Variants in CFAP69 observed in about 807,000 individuals in gnomAD.
The protein encoded by CFAP69 is cilia and flagella associated protein 69, also known as cilia- and flagella-associated protein 69.
A neutral mutation model predicts 123.0 loss-of-function variants in CFAP69; 92 were observed. The observed-to-expected ratio is 0.75, with a 90% CI of 0.63 to 0.89. The LOEUF (loss-of-function observed/expected upper bound fraction) is 0.89, where lower values mean the gene tolerates loss of function less well. Ranked by LOEUF, CFAP69 falls within the 40% of genes least tolerant of loss-of-function variation. The probability of loss-of-function intolerance (pLI) is 0.00; values close to 1 mark genes in which losing one functional copy is unlikely to be tolerated. For missense variants in CFAP69, 1,067 were observed against 1,096.9 expected, an observed-to-expected ratio of 0.97 and a Z score of 0.39; for synonymous variants, 380 against 364.3, an observed-to-expected ratio of 1.04 and a Z score of -0.49.
the CFAP69 span, chr7:90,322,204 C>T: frequency 1.3e-5 from 2 of 152,294 alleles, no homozygotes; most frequent in African/African-American, 4.8e-5. Flanking sequence ...CTGGCAATGC[C>T]TTTTTATGCC....
In CFAP69 at chr7:90,277,102, G is replaced by A; in HGVS notation, c.1014G>A (p.Leu338=). 1 of 1,578,678 alleles carries A rather than the reference G, an allele frequency of 6.3e-7. No homozygotes were observed. Among genetic ancestry groups the A allele is most frequent in the Non-Finnish European group, 8.6e-7 (1 of 1,161,246 alleles). The change falls in exon 10 of 23, where the codon CTG becomes CTA. Residue 338 remains leucine, a synonymous_variant. Coordinates refer to ENST00000389297, the MANE Select transcript of CFAP69 (RefSeq NM_001039706.3). ...IECGFTKDLI[L]FATFNEVKSQ... ...GTGGCTTTACCAAGGATTTGATACT[G>A]TTTGCCACCTTTAATGAAGGTAAAA...
intron 14 of CFAP69, among the ~76,000 whole-genome samples, chr7:90,288,026 C>G (rs1790558417): frequency 6.6e-6 from 1 of 151,870 alleles, no homozygotes; most frequent in African/African-American, 2.4e-5. Context: ...GATGCCCCCT[C>G]TTAAAATGAT....
At chr7:90,319,831 A>G in the CFAP69 span, 2 of 397,744 alleles carry the variant, frequency 5.0e-6, no homozygotes, top group South Asian at 2.8e-4. Context: ...AACTGTAAGT[A>G]CACATATATT....
chr7:90,289,891 A>G (rs1396008050), intron 15 of CFAP69, among the ~76,000 whole-genome samples: 2 of 152,210 alleles, frequency 1.3e-5, no homozygotes, highest in African/African-American at 2.4e-5. Context: ...ACTGCTTTGC[A>G]GTACCTTCTT....
intron 2 of CFAP69, among the ~76,000 whole-genome samples, chr7:90,257,494 T>C (rs17863967): frequency 0.046 from 6,979 of 152,276 alleles, 216 homozygotes; most frequent in South Asian, 0.11. Flanking sequence ...TACATTGTTG[T>C]TGACTTTAGT....
chr7:90,298,847 T>C (rs1014496460), intron 16 of CFAP69, among the ~76,000 whole-genome samples: 2 of 152,176 alleles, frequency 1.3e-5, no homozygotes, highest in Admixed American at 1.3e-4. Flanking sequence ...ACCAAATTAA[T>C]TGCAAATTAC....
the CFAP69 span, chr7:90,322,146 G>C: frequency 6.6e-6 from 1 of 152,252 alleles, no homozygotes; most frequent in Admixed American, 6.5e-5. Flanking sequence ...GCTCCACCCT[G>C]TTCTCATCCT....
intron 15 of CFAP69, among the ~76,000 whole-genome samples, chr7:90,291,564 T>C (rs1791198594): frequency 6.6e-6 from 1 of 152,180 alleles, no homozygotes; most frequent in Non-Finnish European, 1.5e-5. Context: ...CTATTCAAGA[T>C]GGAGTTGCTC....
chr7:90,286,289 AAAAATAT>A lies in CFAP69; in HGVS notation c.1549_1555del (p.Asn517Ter). The A allele has an allele frequency of 6.3e-7, 1 of 1,596,542 alleles. No individual in the cohort carries two copies. Among genetic ancestry groups the A allele is most frequent in the Non-Finnish European group, 8.6e-7 (1 of 1,169,134 alleles). On this transcript the variant is annotated frameshift_variant, in exon 14 of 23. Transcript: ENST00000389297. ...AAATGTTTTCATACCAGGAATCTTT[AAAAATAT>A]AATAAGCAAGCCTAATGAAAAGGAA... is the stretch of plus-strand genomic sequence containing the variant.
intron 1 of CFAP69, among the ~76,000 whole-genome samples, chr7:90,253,138 G>A (rs1208866852): frequency 6.6e-6 from 1 of 152,134 alleles, no homozygotes; most frequent in Non-Finnish European, 1.5e-5. Flanking sequence ...AGAAGTAAGC[G>A]TGAAAGCAGG....
chr7:90,300,985 T>C (rs903635087), intron 17 of CFAP69: 1 of 152,112 alleles, frequency 6.6e-6, no homozygotes, highest in Non-Finnish European at 1.5e-5. Context: ...CTTTTTTTTT[T>C]GGAGACAGAG....
chr7:90,309,480 G>T, intron 22 of CFAP69, 113 bp downstream of exon 22: 1 of 502,518 alleles, frequency 2.0e-6, no homozygotes, highest in Non-Finnish European at 3.5e-6. Flanking sequence ...TGGATGGATT[G>T]TGTGGTATTG....
At chr7:90,249,277 T>C (rs1796690608) in intron 1 of CFAP69, among the ~76,000 whole-genome samples, 1 of 152,158 alleles carries the variant, frequency 6.6e-6, no homozygotes, top group Admixed American at 6.5e-5. Flanking sequence ...CTGCCACCTG[T>C]GAAGGAGGTC....
rs1012284021 is a variant in CFAP69, at chr7:90,304,922, T to C, written c.2265+102T>C. 2.5e-5 allele frequency: 21 copies of C among 842,572 alleles called. No individual in the cohort carries two copies. The African/African-American group carries it at 3.7e-4, about 15-fold the overall frequency. The allele number at this position is 842,572 out of a possible 1,614,324, so 52.2% of individuals were successfully genotyped here. On this transcript the variant is annotated intron_variant, in intron 19 of 22. Coordinates refer to ENST00000389297, the MANE Select transcript of CFAP69 (RefSeq NM_001039706.3). ...TGGTTGTGAGCAATCATCTACATAC[T>C]GTATAGTTTTTATTTTTCATTTTGC...
intron 3 of CFAP69, among the ~76,000 whole-genome samples, chr7:90,259,962 T>C (rs1316124908): frequency 6.6e-6 from 1 of 152,192 alleles, no homozygotes; most frequent in Non-Finnish European, 1.5e-5. Flanking sequence ...ACACTTTGAA[T>C]AGTATTCATC....
chr7:90,279,517 G>T (rs1205883925), intron 11 of CFAP69, among the ~76,000 whole-genome samples, 160 bp from the exon 12 acceptor site: 1 of 146,362 alleles, frequency 6.8e-6, no homozygotes, highest in Non-Finnish European at 1.5e-5. Flanking sequence ...TTAATTTTTG[G>T]TGTTTTTTTT....
chr7:90,265,218 T>G, intron 4 of CFAP69, 83 bp from the exon 5 acceptor site: 1 of 788,358 alleles, frequency 1.3e-6, no homozygotes, highest in Non-Finnish European at 2.1e-6. Flanking sequence ...TCTTTAGAAA[T>G]GAACTCTCCC....
chr7:90,321,648 C>T, the CFAP69 span, among the ~76,000 whole-genome samples: 1 of 152,216 alleles, frequency 6.6e-6, no homozygotes, highest in Non-Finnish European at 1.5e-5. Flanking sequence ...ATTCTCCTAT[C>T]CAGAGAAAAA....
intron 6 of CFAP69, 71 bp from the exon 7 acceptor site, chr7:90,271,455 T>G: frequency 6.9e-7 from 1 of 1,443,558 alleles, no homozygotes; most frequent in Non-Finnish European, 9.4e-7. Context: ...TAATAATAAA[T>G]TACTCATTCT....
Sources: gnomAD v4.1 joint callset for allele counts (sites outside exome capture counted in the v4.1 genomes callset) on GRCh38, gnomAD v4.1.1 for gene constraint, MANE v1.5 for transcripts, NCBI Gene and HGNC (gene_info 2026-07-23, HGNC 2026-07-21) for gene names.